The following PTPRG variants were observed in gnomAD, a reference collection of about 807,000 sequenced individuals.
The protein encoded by PTPRG is receptor-type tyrosine-protein phosphatase gamma.
In PTPRG, 102 loss-of-function variants were observed where a neutral mutation model predicts 165.3. The observed-to-expected ratio is 0.62, with a 90% CI of 0.53 to 0.73. The LOEUF (loss-of-function observed/expected upper bound fraction) is 0.73, where lower values mean the gene tolerates loss of function less well. PTPRG is among the 30% of genes least tolerant of loss of function. The pLI, the probability that PTPRG is intolerant of heterozygous loss-of-function variation, is 0.00. For synonymous variants in PTPRG, 675 were observed against 669.5 expected (o/e 1.01, Z -0.13); for missense variants, 1,866 against 1,861.4 (o/e 1.00, Z -0.05).
At chr3:61,664,076 A>G (rs1702742219) in intron 1 of PTPRG, among the ~76,000 whole-genome samples, 1 of 152,200 alleles carries the variant, frequency 6.6e-6, no homozygotes, top group South Asian at 2.1e-4. Context: ...AGTTTTGATC[A>G]TGTACTTTCT....
intron 2 of PTPRG, among the ~76,000 whole-genome samples, chr3:61,798,159 T>C (rs1016380050): frequency 3.3e-5 from 5 of 152,228 alleles, no homozygotes; most frequent in African/African-American, 7.2e-5. Context: ...TCCACAAAGA[T>C]TAACCCTGCC....
chr3:62,119,907 T>C (rs1703002918), intron 5 of PTPRG, among the ~76,000 whole-genome samples: 1 of 151,482 alleles, frequency 6.6e-6, no homozygotes, highest in Middle Eastern at 3.4e-3. Context: ...GTGCTGGAAT[T>C]ACAGGCGTGA....
intron 2 of PTPRG, among the ~76,000 whole-genome samples, chr3:61,856,821 A>G (rs1039018151): frequency 1.3e-5 from 2 of 152,186 alleles, no homozygotes; most frequent in Non-Finnish European, 2.9e-5. Flanking sequence ...AGAAAGTCTT[A>G]TGAGGAGGAC....
At chr3:61,738,282 A>ATGTG (rs1559583160) in intron 1 of PTPRG, among the ~76,000 whole-genome samples, 2 of 14,940 alleles carry the variant, frequency 1.3e-4, no homozygotes, top group South Asian at 2.3e-3. Flanking sequence ...ATATATACAT[A>ATGTG]TATATATATA....
chr3:61,909,830 T>C lies in PTPRG; in HGVS notation c.191-79795T>C, dbSNP rs574694634. Reference sequence around the variant, plus strand: ...GCCATGGTATTTGTATACAATAATATACCAAGTGAGATTTTTATCGCTGAT... The same window carrying C: ...GCCATGGTATTTGTATACAATAATACACCAAGTGAGATTTTTATCGCTGAT... On this transcript the variant is annotated intron_variant, in intron 2 of 29. Coordinates refer to ENST00000474889, the MANE Select transcript of PTPRG (RefSeq NM_002841.4). 3.6e-4 allele frequency among the ~76,000 whole-genome samples: 55 copies of C among 152,354 alleles called. No homozygotes were observed. The Middle Eastern group carries it at 0.01, about 28-fold the overall frequency.
At chr3:62,215,644 G>A (rs1700481363) in intron 12 of PTPRG, among the ~76,000 whole-genome samples, 1 of 151,366 alleles carries the variant, frequency 6.6e-6, no homozygotes, top group Non-Finnish European at 1.5e-5. Flanking sequence ...TCTGACCTGG[G>A]CTGTGACTCA....
At chr3:61,809,470 G>T (rs2107203001) in intron 2 of PTPRG, among the ~76,000 whole-genome samples, 1 of 152,180 alleles carries the variant, frequency 6.6e-6, no homozygotes, top group African/African-American at 2.4e-5. Flanking sequence ...GTGGTATGGT[G>T]TACTAGTGTC....
At chr3:62,268,993 C>A in intron 19 of PTPRG, 42 bp from the exon 20 acceptor site, 2 of 1,499,612 alleles carry the variant, frequency 1.3e-6, no homozygotes, top group South Asian at 1.4e-5. Flanking sequence ...AGAATTGTGG[C>A]ATAGATTGCA....
intron 10 of PTPRG, among the ~76,000 whole-genome samples, chr3:62,197,306 AAAATAAT>A (rs1699989476): frequency 6.6e-6 from 1 of 151,094 alleles, no homozygotes; most frequent in Admixed American, 6.6e-5. Flanking sequence ...TTAGTATATA[AAAATAAT>A]AAATAATAAA....
chr3:61,672,483 C>T (rs943093219), intron 1 of PTPRG, among the ~76,000 whole-genome samples: 8 of 146,936 alleles, frequency 5.4e-5, no homozygotes, highest in African/African-American at 2.0e-4. Flanking sequence ...CTCGGGAGGC[C>T]GAGGCTGGCG....
At position 61,593,724 on chromosome 3, in the gene PTPRG, G is replaced by A. The variant is rs73838835; in HGVS notation, c.85+31352G>A. Among the ~76,000 whole-genome samples, 23 of 9,444 alleles carry A rather than the reference G, an allele frequency of 2.4e-3. 1 individual carries two copies. The highest frequency in any genetic ancestry group is 2.4e-3 in the Non-Finnish European group (8 of 3,360). 6.2% of individuals were successfully genotyped at this position (9,444 alleles called of 152,430 possible). A position where few individuals can be genotyped will look rare whatever the true frequency, so the allele number is the denominator to read the frequency against. Reference sequence around the variant, plus strand: ...GGAAAACTGGAAAAAAAAAAAAAAAGAAGAAAAAGCCAGAAAAACTCTTCT... The same window carrying A: ...GGAAAACTGGAAAAAAAAAAAAAAAAAAGAAAAAGCCAGAAAAACTCTTCT... On this transcript the variant is annotated intron_variant, in intron 1 of 29. Transcript: ENST00000474889.
chr3:61,778,382 C>G (rs888892774), intron 2 of PTPRG, among the ~76,000 whole-genome samples: 1 of 152,122 alleles, frequency 6.6e-6, no homozygotes, highest in Non-Finnish European at 1.5e-5. Flanking sequence ...CAAAGCTGCA[C>G]TCCTATGCAA....
intron 14 of PTPRG, among the ~76,000 whole-genome samples, chr3:62,236,125 A>G (rs892124849): frequency 2.0e-5 from 3 of 152,250 alleles, no homozygotes; most frequent in Middle Eastern, 3.2e-3. Flanking sequence ...TTAACATGCC[A>G]TAAAAGAAAC....
At chr3:62,269,238 C>T (rs1035732730) in intron 20 of PTPRG, 69 bp downstream of exon 20, 8 of 1,430,610 alleles carry the variant, frequency 5.6e-6, no homozygotes, top group Middle Eastern at 1.9e-4. Flanking sequence ...TACTGTACAA[C>T]CAAGGCCAAA....
intron 4 of PTPRG, among the ~76,000 whole-genome samples, chr3:62,036,978 C>CGCAT (rs1349625525): frequency 4.9e-5 from 5 of 102,728 alleles, no homozygotes; most frequent in Non-Finnish European, 8.2e-5. Flanking sequence ...CGTGCGCGCG[C>CGCAT]GCACGCACAC....
intron 8 of PTPRG, among the ~76,000 whole-genome samples, chr3:62,177,898 AT>A (rs1265411131): frequency 6.6e-6 from 1 of 152,088 alleles, no homozygotes; most frequent in African/African-American, 2.4e-5. Flanking sequence ...GCGATATGTG[AT>A]TTTTCCCCCT....
intron 1 of PTPRG, among the ~76,000 whole-genome samples, chr3:61,684,716 G>A (rs1035885309): frequency 8.5e-5 from 13 of 152,184 alleles, no homozygotes; most frequent in Non-Finnish European, 1.8e-4. Context: ...TAGAACAATT[G>A]CAGAACCAAG....
At chr3:62,017,649 C>A (rs1054371949) in intron 4 of PTPRG, among the ~76,000 whole-genome samples, 17 of 151,230 alleles carry the variant, frequency 1.1e-4, no homozygotes, top group Non-Finnish European at 1.9e-4. Context: ...TGGTCTCGAT[C>A]TCCTGACCTC....
chr3:62,083,028 A>C (rs1701631441), intron 5 of PTPRG, among the ~76,000 whole-genome samples: 1 of 152,244 alleles, frequency 6.6e-6, no homozygotes, highest in Non-Finnish European at 1.5e-5. Flanking sequence ...ACATAAATTT[A>C]AAATAAAAAT....
Sources: allele counts gnomAD v4.1 joint callset (sites outside exome capture counted in the v4.1 genomes callset), GRCh38; gene constraint gnomAD v4.1.1; transcripts MANE v1.5; gene names NCBI Gene and HGNC (gene_info 2026-07-23, HGNC 2026-07-21).